SPRED3: variants seen among roughly 807,000 people sequenced by gnomAD.
SPRED3 encodes sprouty related EVH1 domain containing 3.
In SPRED3, 23 loss-of-function variants were observed where a neutral mutation model predicts 37.6. The observed-to-expected ratio is 0.61, with a 90% CI of 0.44 to 0.87. The LOEUF (loss-of-function observed/expected upper bound fraction) is 0.87, where lower values mean the gene tolerates loss of function less well. Among genes scored for constraint, SPRED3 ranks in the 40% least tolerant of loss-of-function variants. The probability of loss-of-function intolerance (pLI) is 0.00; values close to 1 mark genes in which losing one functional copy is unlikely to be tolerated. For missense variants in SPRED3, 584 were observed against 618.6 expected (o/e 0.94, Z 0.59); for synonymous variants, 302 against 279.6 (o/e 1.08, Z -0.80).
chr19:38,389,897 C>T (rs893957703), intron 1 of SPRED3, among the ~76,000 whole-genome samples: 4 of 150,112 alleles, frequency 2.7e-5, no homozygotes, highest in African/African-American at 7.4e-5. Context: ...AATATATATG[C>T]GCAGGCACCC....
At position 38,395,944 on chromosome 19, in the gene SPRED3, G is replaced by T; in HGVS notation, c.1032G>T (p.Ser344=). Residue 344 remains serine, a synonymous_variant, in exon 6 of 6, where the codon TCG becomes TCT. Coordinates refer to ENST00000691638, the MANE Select transcript of SPRED3 (RefSeq NM_001394336.1). The surrounding 1 kb of genome is among the most constrained non-coding windows in gnomAD (Gnocchi z 5.2). Reference sequence around the variant, plus strand: ...AGAGCTTGCTCTACCACTGCCTGTCGGACGCCGAGGGCGACTTCTCGGACC... The same window carrying T: ...AGAGCTTGCTCTACCACTGCCTGTCTGACGCCGAGGGCGACTTCTCGGACC... ...CAESLLYHCL[S]DAEGDFSDPC... The T allele has an allele frequency of 6.7e-7, 1 of 1,499,090 alleles. No individual in the cohort carries two copies. Among genetic ancestry groups the T allele is most frequent in the African/African-American group, 1.4e-5 (1 of 69,392 alleles). 92.9% of individuals were successfully genotyped at this position (1,499,090 alleles called of 1,614,324 possible). A position where few individuals can be genotyped will look rare whatever the true frequency, so the allele number is the denominator to read the frequency against.
Position 38,394,746 on chromosome 19 carries a change from G to T in SPRED3, c.527G>T (p.Gly176Val). Reference sequence around the variant, plus strand: ...ACGATGGAGTCAGCTTCAGGCTTCGGGCCGACCACGCCCCCCCAGCGCCGC... The same window carrying T: ...ACGATGGAGTCAGCTTCAGGCTTCGTGCCGACCACGCCCCCCCAGCGCCGC... ...IITMESASGFGPTTPPQRRRS... is the reference protein window; with the variant it reads ...IITMESASGFVPTTPPQRRRS... The change falls in exon 5 of 6, where the codon GGG becomes GTG. Residue 176 changes from glycine to valine, a missense_variant. By Grantham distance (109) the Gly-to-Val change is moderately radical. Around this residue, in one of 7 missense-constraint regions of SPRED3, gnomAD observed 310 missense variants for 281.1 expected, o/e 1.10. Coordinates refer to ENST00000691638, the MANE Select transcript of SPRED3 (RefSeq NM_001394336.1). 1 of 1,582,840 alleles carries T rather than the reference G, an allele frequency of 6.3e-7. No homozygotes were observed.
chr19:38,394,481 G>A (rs1250744091), intron 4 of SPRED3, 162 bp from the exon 5 acceptor site: 3 of 1,492,586 alleles, frequency 2.0e-6, no homozygotes, highest in Non-Finnish European at 2.8e-6. Flanking sequence ...AAAGAGGTGA[G>A]CTCACTTGCC....
At chr19:38,394,429 A>G (rs770261140) in intron 4 of SPRED3, 19 of 1,500,650 alleles carry the variant, frequency 1.3e-5, no homozygotes, top group South Asian at 8.0e-5. Flanking sequence ...ATGAATAGGT[A>G]CTCTTAGGAT....
intron 4 of SPRED3, 71 bp downstream of exon 4, chr19:38,392,359 G>T (rs748583666): frequency 5.6e-6 from 8 of 1,432,168 alleles, no homozygotes; most frequent in Non-Finnish European, 7.4e-6. Flanking sequence ...ACATTCTTGA[G>T]CACCTACTGT....
chr19:38,393,035 C>T (rs905015979), intron 4 of SPRED3, among the ~76,000 whole-genome samples: 1 of 152,162 alleles, frequency 6.6e-6, no homozygotes, highest in Admixed American at 6.6e-5. Context: ...TGTGTCTGGC[C>T]CCCTCACTTA....
intron 4 of SPRED3, 65 bp from the exon 5 acceptor site, chr19:38,394,578 G>C: frequency 6.4e-7 from 1 of 1,551,988 alleles, no homozygotes; most frequent in Non-Finnish European, 8.7e-7. Flanking sequence ...ATGGGAGGGG[G>C]TCTATGTGAG....
chr19:38,394,735 T>C lies in SPRED3; in HGVS notation c.516T>C (p.Ala172=), dbSNP rs1406955549. Residue 172 remains alanine (A), a synonymous_variant, in exon 5 of 6, where the codon GCT becomes GCC. Coordinates refer to ENST00000691638, the MANE Select transcript of SPRED3 (RefSeq NM_001394336.1). ...AAAPIITMES[A]SGFGPTTPPQ... ...CCCCCATCATCACGATGGAGTCAGC[T>C]TCAGGCTTCGGGCCGACCACGCCCC... is the stretch of plus-strand genomic sequence containing the variant. The C allele has an allele frequency of 4.4e-6, 7 of 1,588,778 alleles. No homozygotes were observed. Among genetic ancestry groups the C allele is most frequent in the South Asian group, 3.4e-5 (3 of 87,662 alleles).
In SPRED3 at chr19:38,394,752, C is replaced by A; in HGVS notation, c.533C>A (p.Thr178Asn). ...GAGTCAGCTTCAGGCTTCGGGCCGA[C>A]CACGCCCCCCCAGCGCCGCCGCTCC... ...TMESASGFGP[T>N]TPPQRRRSSA... Residue 178 changes from threonine to asparagine, a missense_variant, in exon 5 of 6, where the codon ACC (threonine) becomes AAC (asparagine). Around this residue, in one of 7 missense-constraint regions of SPRED3, gnomAD observed 310 missense variants for 281.1 expected, o/e 1.10. Coordinates refer to ENST00000691638, the MANE Select transcript of SPRED3 (RefSeq NM_001394336.1). 1 of 1,578,396 alleles carries A rather than the reference C, an allele frequency of 6.3e-7. No individual in the cohort carries two copies.
Position 38,395,587 on chromosome 19 carries a change from C to T in SPRED3, c.675C>T (p.Arg225=), listed in dbSNP as rs569024749. The part of the protein sequence containing the change: ...WGGRGYEDYR[R]SGPPAPLALS... ...GCCGCGGCTACGAGGATTACCGGCG[C>T]TCCGGGCCACCCGCGCCCCTCGCCC... Residue 225 remains arginine, a synonymous_variant, in exon 6 of 6, where the codon CGC becomes CGT. Transcript: ENST00000691638. The surrounding 1 kb of genome is among the most constrained non-coding windows in gnomAD (Gnocchi z 5.2). 6.8e-5 allele frequency: 105 copies of T among 1,552,262 alleles called. 2 individuals are homozygous for T. The East Asian group carries it at 2.3e-3, about 34-fold the overall frequency.
At position 38,394,685 on chromosome 19, in the gene SPRED3, G is replaced by T; in HGVS notation, c.466G>T (p.Glu156Ter). 6.3e-7 allele frequency: 1 copy of T among 1,599,196 alleles called. No homozygotes were observed. Residue 156 changes from glutamate to a stop codon, truncating the protein, a stop_gained, in exon 5 of 6, where the codon GAG becomes TAG. Transcript: ENST00000691638. LOFTEE classifies it high-confidence loss of function. ...SDSSSSHSRQETPPSAAAAPI... is the reference protein window; with the variant it reads ...SDSSSSHSRQ The stretch of plus-strand genomic sequence containing the variant: ...CTCCTCCTCCAGTCACAGCCGCCAG[G>T]AGACTCCTCCCAGCGCCGCTGCGGC...
rs1970921886 is a variant in SPRED3, at chr19:38,398,256, A to T, written c.*2111A>T. 6.8e-6 allele frequency: 1 copy of T among 146,646 alleles called. No homozygotes were observed. Among genetic ancestry groups the T allele is most frequent in the Non-Finnish European group, 1.5e-5 (1 of 65,312 alleles). The allele number at this position is 146,646 out of a possible 1,614,324, so 9.1% of individuals were successfully genotyped here. ...TTTATTTATTTATTTATTTATTTTG[A>T]GACAGAGTCTCGCTGTATCACCCAG... is the stretch of plus-strand genomic sequence containing the variant. On this transcript the variant is annotated 3_prime_UTR_variant, in exon 6 of 6. Transcript: ENST00000691638.
chr19:38,394,769 C>G lies in SPRED3; in HGVS notation c.550C>G (p.Arg184Gly). ...CGGGCCGACCACGCCCCCCCAGCGC[C>G]GCCGCTCCTCCGCTCAGGTGCGACC... ...GFGPTTPPQR[R>G]RSSAQSYPPL... The change falls in exon 5 of 6, where the codon CGC becomes GGC. Residue 184 changes from arginine to glycine, a missense_variant. By Grantham distance (125) the Arg-to-Gly change is moderately radical. Around this residue, in one of 7 missense-constraint regions of SPRED3, gnomAD observed 310 missense variants for 281.1 expected, o/e 1.10. Coordinates refer to ENST00000691638, the MANE Select transcript of SPRED3 (RefSeq NM_001394336.1). 6.4e-7 allele frequency: 1 copy of G among 1,574,122 alleles called. No homozygotes were observed.
In SPRED3 at chr19:38,395,667, TG is replaced by T; in HGVS notation, c.758del (p.Gly253ValfsTer10). 6.6e-7 allele frequency: 1 copy of T among 1,511,226 alleles called. No homozygotes were observed. Among genetic ancestry groups the T allele is most frequent in the Admixed American group, 2.1e-5 (1 of 47,268 alleles). The allele number at this position is 1,511,226 out of a possible 1,614,324, so 93.6% of individuals were successfully genotyped here. On this transcript the variant is annotated frameshift_variant, in exon 6 of 6. Coordinates refer to ENST00000691638, the MANE Select transcript of SPRED3 (RefSeq NM_001394336.1). LOFTEE classifies it high-confidence loss of function. This position sits in a 1 kb window ranked among gnomAD's most constrained non-coding sequence, Gnocchi z 5.2. ...AKTGALRGAA[L>X]GPPAALPAPL... ...ACCGGCGCGTTGAGGGGCGCTGCCC[TG>T]GGTCCCCCAGCGGCACTACCTGCCC...
In SPRED3 at chr19:38,397,734, C is replaced by T. The variant is rs1970914707; in HGVS notation, c.*1589C>T. On this transcript the variant is annotated 3_prime_UTR_variant, in exon 6 of 6. Transcript: ENST00000691638. Reference sequence around the variant, plus strand: ...CCCCCAGCAATCCTCAGAATTACCCCTTTATCTTAGGGTGGGATCCCTACC... The same window carrying T: ...CCCCCAGCAATCCTCAGAATTACCCTTTTATCTTAGGGTGGGATCCCTACC... 6.6e-6 allele frequency: 1 copy of T among 152,112 alleles called. No individual in the cohort carries two copies. The highest frequency in any genetic ancestry group is 2.1e-4 in the South Asian group (1 of 4,822). The allele number at this position is 152,112 out of a possible 1,614,324, so 9.4% of individuals were successfully genotyped here. A position where few individuals can be genotyped will look rare whatever the true frequency, so the allele number is the denominator to read the frequency against.
In SPRED3 at chr19:38,390,486, C is replaced by A; in HGVS notation, c.177+7C>A. 7.4e-7 allele frequency: 1 copy of A among 1,344,128 alleles called. No individual in the cohort carries two copies. Among genetic ancestry groups the A allele is most frequent in the Non-Finnish European group, 9.6e-7 (1 of 1,042,010 alleles). The allele number at this position is 1,344,128 out of a possible 1,614,324, so 83.3% of individuals were successfully genotyped here. On this transcript the variant is annotated splice_region_variant and intron_variant, in intron 2 of 5. Transcript: ENST00000691638. Reference sequence around the variant, plus strand: ...ACGCCTCCGGGACCAGAAAGTGAGCCACCCTGGGGCATGCGGGGAGGGTAG... The same window carrying A: ...ACGCCTCCGGGACCAGAAAGTGAGCAACCCTGGGGCATGCGGGGAGGGTAG...
rs1426385709 is a variant in SPRED3, at chr19:38,396,277, T to A, written c.*132T>A. 2 of 656,504 alleles carry A rather than the reference T, an allele frequency of 3.0e-6. No individual in the cohort carries two copies. The highest frequency in any genetic ancestry group is 4.2e-6 in the Non-Finnish European group (2 of 473,290). 40.7% of individuals were successfully genotyped at this position (656,504 alleles called of 1,614,324 possible). ...TGGAGCTTGAGTTTGGATTGAGAGA[T>A]CTCAGACCTGGAACCTGGAACCCAA... On this transcript the variant is annotated 3_prime_UTR_variant, in exon 6 of 6. Coordinates refer to ENST00000691638, the MANE Select transcript of SPRED3 (RefSeq NM_001394336.1).
rs375007950 is a variant in SPRED3, at chr19:38,395,585, C to A, written c.673C>A (p.Arg225Ser). The A allele has an allele frequency of 1.1e-4, 164 of 1,551,408 alleles. No individual in the cohort carries two copies. The East Asian group carries it at 1.5e-3, about 14-fold the overall frequency. The part of the protein sequence containing the change: ...WGGRGYEDYR[R>S]SGPPAPLALS... ...CGGCCGCGGCTACGAGGATTACCGG[C>A]GCTCCGGGCCACCCGCGCCCCTCGC... Residue 225 changes from arginine (R) to serine (S), a missense_variant, in exon 6 of 6, where the codon CGC becomes AGC. By Grantham distance (110) the Arg-to-Ser change is moderately radical (BLOSUM62 -1). Transcript: ENST00000691638. This position sits in a 1 kb window ranked among gnomAD's most constrained non-coding sequence, Gnocchi z 5.2.
intron 3 of SPRED3, 23 bp from the exon 4 acceptor site, chr19:38,392,189 C>G (rs755793373): frequency 2.1e-5 from 34 of 1,603,686 alleles, no homozygotes; most frequent in Non-Finnish European, 2.7e-5. Context: ...GGAACTCACT[C>G]TCTGCCTCTC....
Sources: gnomAD v4.1 joint callset for allele counts (sites outside exome capture counted in the v4.1 genomes callset) on GRCh38, gnomAD v4.1.1 for gene constraint, gnomAD v4.1.1 regional missense constraint, Gnocchi (gnomAD v3.1) non-coding constraint, MANE v1.5 for transcripts, NCBI Gene and HGNC (gene_info 2026-07-23, HGNC 2026-07-21) for gene names.